ATP8A1: variants seen among roughly 807,000 people sequenced by gnomAD.
ATP8A1 encodes phospholipid-transporting ATPase IA.
A neutral mutation model predicts 177.7 loss-of-function variants in ATP8A1; 90 were observed. The observed-to-expected ratio is 0.51, with a 90% CI of 0.43 to 0.60. The LOEUF (loss-of-function observed/expected upper bound fraction) is 0.60. ATP8A1 is among the 20% of genes least tolerant of loss of function. The pLI is 0.00. For missense variants in ATP8A1, 1,072 were observed against 1,392.8 expected, an observed-to-expected ratio of 0.77 and a Z score of 3.67; for synonymous variants, 493 against 485.9, an observed-to-expected ratio of 1.01 and a Z score of -0.19.
rs753712653 is a variant in ATP8A1 at position 42,569,247 on chromosome 4, AT to A, written c.1296-43del. 5 of 1,533,346 alleles carry A rather than the reference AT, an allele frequency of 3.3e-6. No individual in the cohort carries two copies. The Admixed American group carries it at 5.4e-5, about 16-fold the overall frequency. The allele number at this position is 1,533,346 out of a possible 1,614,324, so 95.0% of individuals were successfully genotyped here. ...GAGAGGCAGAAAGAGAGGAAAAATA[AT>A]CACAGAAAGGCTGGAAACATAAAAC... On this transcript the variant is annotated intron_variant, in intron 14 of 36. Transcript: ENST00000381668.
chr4:42,512,847 G>C (rs1054595577), intron 22 of ATP8A1, among the ~76,000 whole-genome samples: 6 of 152,172 alleles, frequency 3.9e-5, no homozygotes, highest in Admixed American at 2.6e-4. Context: ...GTCTGAGAAC[G>C]TAACTATGAG....
intron 33 of ATP8A1, among the ~76,000 whole-genome samples, chr4:42,435,426 C>CAAAAAAAAAAAAA (rs55945370): frequency 4.6e-4 from 43 of 93,946 alleles, no homozygotes; most frequent in African/African-American, 1.4e-3. Context: ...GACTTCATCT[C>CAAAAAAAAAAAAA]AAAAAAAAAA....
chr4:42,511,200 G>A (rs2153195420), intron 22 of ATP8A1, among the ~76,000 whole-genome samples: 1 of 152,192 alleles, frequency 6.6e-6, no homozygotes, highest in South Asian at 2.1e-4. Context: ...CTTGAGTGAT[G>A]GGCTGTTCTG....
chr4:42,423,472 A>G, intron 34 of ATP8A1, 145 bp downstream of exon 34: 1 of 464,632 alleles, frequency 2.2e-6, no homozygotes. Flanking sequence ...TAGTTCCTGA[A>G]TCACCCCTTC....
At chr4:42,559,180 T>A (rs1207648943) in intron 15 of ATP8A1, among the ~76,000 whole-genome samples, 1 of 151,954 alleles carries the variant, frequency 6.6e-6, no homozygotes, top group Non-Finnish European at 1.5e-5. Flanking sequence ...AGGGAGATCA[T>A]CTCTTAAAAC....
chr4:42,627,305 T>C (rs561348470), intron 1 of ATP8A1, among the ~76,000 whole-genome samples, 196 bp from the exon 2 acceptor site: 4 of 152,192 alleles, frequency 2.6e-5, no homozygotes, highest in Non-Finnish European at 4.4e-5. Context: ...TTAACAGTCA[T>C]GTAAAAACTG....
At chr4:42,534,512 T>C (rs1018698212) in intron 20 of ATP8A1, among the ~76,000 whole-genome samples, 2 of 152,130 alleles carry the variant, frequency 1.3e-5, no homozygotes, top group Admixed American at 6.5e-5. Context: ...AAGTTTGGGA[T>C]TGTGTTAAAC....
chr4:42,596,912 T>C (rs1734776470), intron 6 of ATP8A1, among the ~76,000 whole-genome samples: 2 of 152,166 alleles, frequency 1.3e-5, no homozygotes, highest in South Asian at 2.1e-4. Flanking sequence ...GCAAGAGCAA[T>C]GAAGCCAGCA....
At chr4:42,617,505 T>C (rs151089720) in intron 4 of ATP8A1, among the ~76,000 whole-genome samples, 141 of 152,348 alleles carry the variant, frequency 9.3e-4, no homozygotes, top group African/African-American at 3.3e-3. Flanking sequence ...AGAGATTTTG[T>C]AGTTACAGAA....
intron 4 of ATP8A1, among the ~76,000 whole-genome samples, chr4:42,616,694 C>G (rs1338466403): frequency 2.6e-5 from 4 of 152,214 alleles, no homozygotes; most frequent in African/African-American, 9.7e-5. Context: ...ATAATCTTAT[C>G]ATATCTTCCT....
At chr4:42,581,502 G>T (rs918797833) in intron 10 of ATP8A1, 119 bp downstream of exon 10, 12 of 736,936 alleles carry the variant, frequency 1.6e-5, no homozygotes, top group Non-Finnish European at 2.6e-5. Flanking sequence ...AACATATAGG[G>T]TTGGATCAGG....
intron 20 of ATP8A1, among the ~76,000 whole-genome samples, chr4:42,539,075 C>G (rs1560435482): frequency 6.6e-6 from 1 of 152,042 alleles, no homozygotes; most frequent in East Asian, 1.9e-4. Context: ...TACTACTCAG[C>G]CATTAAAAGA....
Position 42,578,162 on chromosome 4 carries a change from C to T in ATP8A1, c.1128+98G>A, listed in dbSNP as rs111490208. The T allele has an allele frequency of 1.4e-3, 1,602 of 1,166,376 alleles. 23 individuals are homozygous for T. The African/African-American group carries it at 0.022, about 16-fold the overall frequency. The allele number at this position is 1,166,376 out of a possible 1,614,324, so 72.3% of individuals were successfully genotyped here. On this transcript the variant is annotated intron_variant, in intron 12 of 36. Coordinates refer to ENST00000381668, the MANE Select transcript of ATP8A1 (RefSeq NM_006095.2). ...AAAATCTGATACTGTGGTCAAGAAACGGTAGATATAATTAAAACCTTTTTT... is the reference window on the plus strand; with the variant it reads ...AAAATCTGATACTGTGGTCAAGAAATGGTAGATATAATTAAAACCTTTTTT...
Position 42,485,506 on chromosome 4 carries a change from T to C in ATP8A1, c.2314A>G (p.Ile772Val), listed in dbSNP as rs774799725. The C allele has an allele frequency of 3.1e-6, 5 of 1,610,586 alleles. No individual in the cohort carries two copies. Among genetic ancestry groups the C allele is most frequent in the East Asian group, 4.5e-5 (2 of 44,766 alleles). ...ATAAGGAGAACTTACCGACAGCAAA[T>C]GACAGCTTTGCATGACAAAGCTAAG... Reference protein sequence around the residue: ...LDLALSCKAVICCRVSPLQKS... With the variant: ...LDLALSCKAVVCCRVSPLQKS... Residue 772 changes from isoleucine to valine, a missense_variant, in exon 25 of 37, where the codon ATT becomes GTT. Transcript: ENST00000381668.
At chr4:42,610,947 G>A (rs1012482211) in intron 5 of ATP8A1, among the ~76,000 whole-genome samples, 6 of 152,130 alleles carry the variant, frequency 3.9e-5, no homozygotes, top group Non-Finnish European at 8.8e-5. Context: ...TTTTTCAGCA[G>A]GCAAGAAAGG....
intron 22 of ATP8A1, among the ~76,000 whole-genome samples, chr4:42,519,775 C>CT (rs1286792613): frequency 1.3e-5 from 2 of 152,220 alleles, no homozygotes; most frequent in Non-Finnish European, 2.9e-5. Context: ...TTTTCAACAA[C>CT]AGAGAGCATG....
At chr4:42,612,752 C>G (rs950159448) in intron 5 of ATP8A1, among the ~76,000 whole-genome samples, 1 of 152,022 alleles carries the variant, frequency 6.6e-6, no homozygotes, top group African/African-American at 2.4e-5. Flanking sequence ...TCAGTGAAAA[C>G]AGGGCATCCA....
At chr4:42,420,920 C>T (rs1713838324) in intron 35 of ATP8A1, among the ~76,000 whole-genome samples, 1 of 152,076 alleles carries the variant, frequency 6.6e-6, no homozygotes, top group African/African-American at 2.4e-5. Context: ...AGGCGCCCGC[C>T]ACCACGCCTG....
chr4:42,429,119 G>C (rs1249841357), intron 33 of ATP8A1, among the ~76,000 whole-genome samples: 1 of 152,188 alleles, frequency 6.6e-6, no homozygotes, highest in African/African-American at 2.4e-5. Flanking sequence ...TTGAGATGTG[G>C]TGGTTATGGT....
Sources: allele counts gnomAD v4.1 joint callset (sites outside exome capture counted in the v4.1 genomes callset), GRCh38; gene constraint gnomAD v4.1.1; transcripts MANE v1.5; gene names NCBI Gene and HGNC (gene_info 2026-07-23, HGNC 2026-07-21).